The following STXBP2 variants were observed in gnomAD, a reference collection of about 807,000 sequenced individuals.
STXBP2 encodes the protein syntaxin binding protein 2.
STXBP2 carries 47 observed loss-of-function variants against 72.2 expected under a neutral mutation model. That is an observed-to-expected ratio of 0.65 (90% CI 0.51 to 0.83). The LOEUF is 0.83. STXBP2 is among the 40% of genes least tolerant of loss of function. The pLI is 0.00. For synonymous variants in STXBP2, 367 were observed against 338.7 expected (o/e 1.08, Z -0.92); for missense variants, 702 against 807.6 (o/e 0.87, Z 1.58).
At chr19:7,631,318 C>G in the STXBP2 span, 6 of 1,403,430 alleles carry the variant, frequency 4.3e-6, no homozygotes, top group African/African-American at 9.1e-5. Context: ...ACGCGGACCC[C>G]TTTGTAATTG....
upstream of STXBP2, chr19:7,632,936 A>C (rs984634611): frequency 2.7e-5 from 40 of 1,489,898 alleles, no homozygotes; most frequent in Non-Finnish European, 3.3e-5. The surrounding 1 kb of genome is among the most constrained non-coding windows in gnomAD (Gnocchi z 5.2). Flanking sequence ...TGCCGTCCCC[A>C]CTTCCTCAGC....
intron 4 of STXBP2, chr19:7,640,316 CTG>C (rs752685246): frequency 1.1e-4 from 59 of 522,230 alleles, no homozygotes; most frequent in African/African-American, 2.6e-4. Flanking sequence ...GTGTGTGCAT[CTG>C]TGTGTGCGTG....
At chr19:7,635,333 ATTGACTTACGCACC>A (rs2031485637), upstream of STXBP2, among the ~76,000 whole-genome samples, 1 of 152,234 alleles carries the variant, frequency 6.6e-6, no homozygotes, top group South Asian at 2.1e-4. Flanking sequence ...ACTGAAAGCC[ATTGACTTACGCACC>A]TTAGGTCAGC....
intron 15 of STXBP2, chr19:7,646,004 T>C: frequency 3.4e-6 from 2 of 583,950 alleles, no homozygotes; most frequent in Non-Finnish European, 6.1e-6. Flanking sequence ...TTTGCCTATC[T>C]CTGCCTCTGT....
At position 7,647,800 on chromosome 19, in the gene STXBP2, C is replaced by A. The variant is rs150701487; in HGVS notation, c.1772C>A (p.Ala591Asp). Reference sequence around the variant, plus strand: ...CTGGACAAGAAGCTGGAGGACATTGCCCTGCCCTGACCCCTGGCCCCGCCC... The same window carrying A: ...CTGGACAAGAAGCTGGAGGACATTGACCTGCCCTGACCCCTGGCCCCGCCC... ...KALDKKLEDI[A>D]LP The change falls in exon 19 of 19, where the codon GCC (alanine) becomes GAC (aspartate). Residue 591 changes from alanine (A) to aspartate (D), a missense_variant. Coordinates refer to ENST00000221283, the MANE Select transcript of STXBP2 (RefSeq NM_006949.4). 6.4e-5 allele frequency: 103 copies of A among 1,613,752 alleles called. No homozygotes were observed. The African/African-American group carries it at 1.1e-3, about 18-fold the overall frequency.
intron 4 of STXBP2, 152 bp downstream of exon 4, chr19:7,639,959 T>C (rs554861630): frequency 1.5e-4 from 126 of 850,762 alleles, no homozygotes; most frequent in Admixed American, 6.6e-4. Flanking sequence ...CATGTGTGTG[T>C]GCATCTGTGT....
At chr19:7,641,238 C>G in intron 6 of STXBP2, 1 of 581,038 alleles carries the variant, frequency 1.7e-6, no homozygotes, top group Non-Finnish European at 3.1e-6. Flanking sequence ...GGCGTGGTGG[C>G]GTGCACCTGT....
At chr19:7,641,226 T>G in intron 6 of STXBP2, 1 of 604,500 alleles carries the variant, frequency 1.7e-6, no homozygotes, top group Non-Finnish European at 3.0e-6. Flanking sequence ...AGAAATTAGC[T>G]TGGCGTGGTG....
chr19:7,640,864 G>T (rs2031842194), intron 5 of STXBP2, 36 bp from the exon 6 acceptor site: 1 of 1,613,524 alleles, frequency 6.2e-7, no homozygotes, highest in Non-Finnish European at 8.5e-7. Flanking sequence ...TGTGGGGGCT[G>T]CTCTGGCCTG....
In STXBP2 at chr19:7,643,382, T is replaced by A; in HGVS notation, c.1107+137T>A. On this transcript the variant is annotated intron_variant, in intron 13 of 18. Transcript: ENST00000221283. ...GAGGTGGAGGGGCCTTGGAGAGAGG[T>A]GGGACCTGGTGGGGAAGGAGTGGGT... 3.4e-6 allele frequency: 3 copies of A among 880,774 alleles called. No individual in the cohort carries two copies. In the South Asian group the frequency reaches 4.6e-5, roughly 13 times the overall value. The allele number at this position is 880,774 out of a possible 1,614,324, so 54.6% of individuals were successfully genotyped here.
intron 13 of STXBP2, 134 bp from the exon 14 acceptor site, chr19:7,644,478 TGA>T: frequency 1.6e-6 from 2 of 1,235,452 alleles, no homozygotes; most frequent in Non-Finnish European, 2.3e-6. Flanking sequence ...GGTGGGACCT[TGA>T]GAGACCTGGT....
upstream of STXBP2, chr19:7,632,336 G>C: frequency 6.2e-7 from 1 of 1,603,748 alleles, no homozygotes; most frequent in Non-Finnish European, 8.5e-7. This position sits in a 1 kb window ranked among gnomAD's most constrained non-coding sequence, Gnocchi z 5.2. Context: ...GTGGAGGGCA[G>C]GATCGGAGAG....
At chr19:7,631,609 A>G in the STXBP2 span, 11 of 1,473,112 alleles carry the variant, frequency 7.5e-6, no homozygotes, top group Admixed American at 1.5e-4. Flanking sequence ...ACATATACTC[A>G]GTTCCTTGTT....
the STXBP2 span, chr19:7,631,757 G>A: frequency 7.0e-6 from 10 of 1,431,882 alleles, no homozygotes; most frequent in South Asian, 1.5e-4. Context: ...GGGTCCTGAG[G>A]GGTGAGCAGG....
At chr19:7,630,014 A>G in the STXBP2 span, 1 of 866,350 alleles carries the variant, frequency 1.2e-6, no homozygotes, top group South Asian at 2.4e-5. Flanking sequence ...GAAATCCAGG[A>G]GAGGGGACGC....
chr19:7,630,023 G>A, the STXBP2 span: 1 of 902,894 alleles, frequency 1.1e-6, no homozygotes, highest in Middle Eastern at 2.9e-4. Flanking sequence ...GAGAGGGGAC[G>A]CTGGGCTGGG....
At chr19:7,634,221 C>T (rs1028059466), upstream of STXBP2, among the ~76,000 whole-genome samples, 1 of 152,196 alleles carries the variant, frequency 6.6e-6, no homozygotes, top group African/African-American at 2.4e-5. Flanking sequence ...AGAGGACGTC[C>T]CTGCCTTTTC....
At chr19:7,631,075 G>T in the STXBP2 span, 1 of 732,534 alleles carries the variant, frequency 1.4e-6, no homozygotes, top group Non-Finnish European at 2.2e-6. Flanking sequence ...AGGCATGGTG[G>T]CAGGCGCCTA....
chr19:7,630,461 G>A, the STXBP2 span: 1 of 814,700 alleles, frequency 1.2e-6, no homozygotes, highest in Non-Finnish European at 2.0e-6. Context: ...TTCTTGGGTC[G>A]GCCGTAACGA....
Sources: gnomAD v4.1 joint callset for allele counts (sites outside exome capture counted in the v4.1 genomes callset) on GRCh38, gnomAD v4.1.1 for gene constraint, Gnocchi (gnomAD v3.1) non-coding constraint, MANE v1.5 for transcripts, NCBI Gene and HGNC (gene_info 2026-07-23, HGNC 2026-07-21) for gene names.